Variants in TAFA4 observed in about 807,000 individuals in gnomAD.
TAFA4 encodes TAFA chemokine like family member 4.
A neutral mutation model predicts 21.1 loss-of-function variants in TAFA4; 20 were observed. The ratio of observed to expected loss-of-function variants is 0.95; its 90% CI spans 0.67 to 1.38. The LOEUF (loss-of-function observed/expected upper bound fraction) is 1.38. Ranked by LOEUF, TAFA4 falls within the 40% of genes most tolerant of loss-of-function variation. The probability of loss-of-function intolerance (pLI) is 0.00; values close to 1 mark genes in which losing one functional copy is unlikely to be tolerated. For synonymous variants in TAFA4, 71 were observed against 67.4 expected, an observed-to-expected ratio of 1.05 and a Z score of -0.26; for missense variants, 211 against 180.9, an observed-to-expected ratio of 1.17 and a Z score of -0.95.
At chr3:68,797,612 C>CAA (rs71112671) in intron 3 of TAFA4, among the ~76,000 whole-genome samples, 91 of 75,872 alleles carry the variant, frequency 1.2e-3, no homozygotes, top group Non-Finnish European at 1.6e-3. Context: ...GACTCCATCT[C>CAA]AAAAAAAAAA....
intron 3 of TAFA4, among the ~76,000 whole-genome samples, chr3:68,765,461 C>G (rs1451302394): frequency 6.6e-6 from 1 of 152,086 alleles, no homozygotes; most frequent in Admixed American, 6.5e-5. Flanking sequence ...GTGTTAAACT[C>G]TCTTACAAAT....
chr3:68,800,545 A>T (rs1473253003), intron 3 of TAFA4, among the ~76,000 whole-genome samples: 1 of 152,150 alleles, frequency 6.6e-6, no homozygotes, highest in African/African-American at 2.4e-5. Flanking sequence ...CCAGCCCCTC[A>T]ATTTTGCTTA....
At chr3:68,831,943 G>A (rs977218538) in intron 3 of TAFA4, among the ~76,000 whole-genome samples, 1 of 151,994 alleles carries the variant, frequency 6.6e-6, no homozygotes, top group Non-Finnish European at 1.5e-5. Flanking sequence ...TTCAATCACT[G>A]ATAGCCTTTC....
chr3:68,809,304 C>T (rs996292302), intron 3 of TAFA4, among the ~76,000 whole-genome samples: 2 of 152,086 alleles, frequency 1.3e-5, no homozygotes, highest in African/African-American at 4.8e-5. Flanking sequence ...TTCATTGAAG[C>T]CACCAGTTTT....
At chr3:68,755,018 T>C (rs1333257220) in intron 3 of TAFA4, among the ~76,000 whole-genome samples, 1 of 152,122 alleles carries the variant, frequency 6.6e-6, no homozygotes, top group African/African-American at 2.4e-5. Context: ...AACCCGAATC[T>C]CAATGTGTAG....
At chr3:68,746,362 C>T (rs972362868) in intron 4 of TAFA4, among the ~76,000 whole-genome samples, 7 of 152,040 alleles carry the variant, frequency 4.6e-5, no homozygotes, top group Non-Finnish European at 7.4e-5. Flanking sequence ...CTATTAGTCC[C>T]GTCCCTCTAG....
chr3:68,753,024 T>C lies in TAFA4; in HGVS notation c.131-6A>G. On this transcript the variant is annotated splice_polypyrimidine_tract_variant and splice_region_variant and intron_variant, in intron 3 of 5. Transcript: ENST00000295569. ...TTGCTTGATTTGGTGGTGACCTAGT[T>C]GGTAATGGGGGAGAAAAACAAACCC... 1 of 1,611,710 alleles carries C rather than the reference T, an allele frequency of 6.2e-7. No homozygotes were observed. Among genetic ancestry groups the C allele is most frequent in the Non-Finnish European group, 8.5e-7 (1 of 1,178,358 alleles).
chr3:68,864,819 A>G (rs1441981408), intron 3 of TAFA4, among the ~76,000 whole-genome samples: 1 of 151,774 alleles, frequency 6.6e-6, no homozygotes, highest in African/African-American at 2.4e-5. Flanking sequence ...ATATATATGC[A>G]GCAACATGGA....
At chr3:68,851,535 G>A (rs1704949939) in intron 3 of TAFA4, among the ~76,000 whole-genome samples, 1 of 152,088 alleles carries the variant, frequency 6.6e-6, no homozygotes, top group Admixed American at 6.6e-5. Context: ...ACAGAGCATG[G>A]TGACCGTAGA....
intron 1 of TAFA4, among the ~76,000 whole-genome samples, chr3:68,925,996 C>T (rs747673493): frequency 2.0e-5 from 3 of 152,164 alleles, no homozygotes; most frequent in Admixed American, 1.3e-4. Context: ...CTTCGGGAGG[C>T]GGAGGCAGCC....
At chr3:68,801,116 C>A (rs958658145) in intron 3 of TAFA4, among the ~76,000 whole-genome samples, 1 of 152,148 alleles carries the variant, frequency 6.6e-6, no homozygotes, top group East Asian at 1.9e-4. Flanking sequence ...GGATTTAAAT[C>A]CCAAGAAAGT....
chr3:68,904,845 A>C (rs2089883245), intron 1 of TAFA4, among the ~76,000 whole-genome samples: 1 of 152,180 alleles, frequency 6.6e-6, no homozygotes, highest in Non-Finnish European at 1.5e-5. Flanking sequence ...CTGGTCCACC[A>C]GTGCCCTGGG....
At chr3:68,806,115 TA>T (rs894386956) in intron 3 of TAFA4, among the ~76,000 whole-genome samples, 1 of 152,162 alleles carries the variant, frequency 6.6e-6, no homozygotes, top group Admixed American at 6.6e-5. Flanking sequence ...GTGAACACTG[TA>T]AAAAGCAATA....
chr3:68,782,713 C>A (rs981922066), intron 3 of TAFA4, among the ~76,000 whole-genome samples: 1 of 152,036 alleles, frequency 6.6e-6, no homozygotes, highest in Non-Finnish European at 1.5e-5. Context: ...GAGCAGAAAG[C>A]AAACTAGTGA....
intron 1 of TAFA4, among the ~76,000 whole-genome samples, chr3:68,924,073 C>G (rs1245820868): frequency 6.6e-6 from 1 of 152,110 alleles, no homozygotes; most frequent in African/African-American, 2.4e-5. Flanking sequence ...CATGGTGGTT[C>G]CTCAAAAAAT....
chr3:68,833,210 C>T lies in TAFA4; in HGVS notation c.130+47520G>A, dbSNP rs550454073. ...AAGCTTGCCTTCTGTGGGCTGCATC[C>T]ACTATCCAACCAGTCCCACTGATAC... On this transcript the variant is annotated intron_variant, in intron 3 of 5. Transcript: ENST00000295569. Among the ~76,000 whole-genome samples, 12 of 152,330 alleles carry T rather than the reference C, an allele frequency of 7.9e-5. No homozygotes were observed. The East Asian group carries it at 2.3e-3, about 29-fold the overall frequency.
At chr3:68,783,308 C>A (rs998860354) in intron 3 of TAFA4, among the ~76,000 whole-genome samples, 3 of 152,176 alleles carry the variant, frequency 2.0e-5, no homozygotes, top group African/African-American at 7.2e-5. Context: ...AAATAAAAAG[C>A]AAATAAACCT....
chr3:68,896,126 GAGGTAGGAGGTAATGTT>G (rs1195882406), intron 1 of TAFA4, among the ~76,000 whole-genome samples: 1 of 152,164 alleles, frequency 6.6e-6, no homozygotes, highest in African/African-American at 2.4e-5. Flanking sequence ...AAGGCAAAGA[GAGGTAGGAGGTAATGTT>G]AGGTAGCAGG....
chr3:68,923,319 T>C (rs963902270), intron 1 of TAFA4, among the ~76,000 whole-genome samples: 1 of 152,160 alleles, frequency 6.6e-6, no homozygotes, highest in Non-Finnish European at 1.5e-5. Context: ...TTCTATAAAG[T>C]GACTAAACGT....
Sources: gnomAD v4.1 joint callset for allele counts (sites outside exome capture counted in the v4.1 genomes callset) on GRCh38, gnomAD v4.1.1 for gene constraint, MANE v1.5 for transcripts, NCBI Gene and HGNC (gene_info 2026-07-23, HGNC 2026-07-21) for gene names.